The following PCDHGA3 variants were observed in gnomAD, a reference collection of about 807,000 sequenced individuals.
PCDHGA3 encodes protocadherin gamma subfamily A, 3, also known as protocadherin gamma-A3.
Under a neutral mutation model 58.5 loss-of-function variants are expected in PCDHGA3, and 40 were observed. That is an observed-to-expected ratio of 0.68 (90% CI 0.53 to 0.89). The LOEUF is 0.89. Among genes scored for constraint, PCDHGA3 ranks in the 40% least tolerant of loss-of-function variants. PCDHGA3 has a pLI of 0.00. For missense variants in PCDHGA3, 1,223 were observed against 1,195.9 expected (o/e 1.02, Z -0.33); for synonymous variants, 530 against 525.7 (o/e 1.01, Z -0.11).
At chr5:141,413,697 T>G in intron 1 of PCDHGA3, 4 of 1,613,632 alleles carry the variant, frequency 2.5e-6, no homozygotes, top group Non-Finnish European at 3.4e-6. Flanking sequence ...TGCAGAGCTA[T>G]CAGCTCAGCC....
intron 1 of PCDHGA3, among the ~76,000 whole-genome samples, chr5:141,488,802 A>G (rs910422824): frequency 2.0e-5 from 3 of 152,294 alleles, no homozygotes; most frequent in Middle Eastern, 3.4e-3. Flanking sequence ...CCTGTTGAGT[A>G]CCATCTGAGC....
intron 1 of PCDHGA3, chr5:141,357,048 A>C: frequency 6.2e-7 from 1 of 1,614,008 alleles, no homozygotes; most frequent in Non-Finnish European, 8.5e-7. Context: ...AGCCGGGACT[A>C]TTTGCAGTGG....
chr5:141,429,204 A>ACACACACG, intron 1 of PCDHGA3: 1 of 150,162 alleles, frequency 6.7e-6, no homozygotes, highest in Non-Finnish European at 1.5e-5. Context: ...ACACACACAC[A>ACACACACG]CGTGTGAAAA....
At chr5:141,417,637 A>ATCCCTCAGCCTCTAGCCTGGGAT (rs2096141530) in intron 1 of PCDHGA3, 1 of 724,654 alleles carries the variant, frequency 1.4e-6, no homozygotes, top group Admixed American at 3.5e-5. Flanking sequence ...GACGCCGGGG[A>ATCCCTCAGCCTCTAGCCTGGGAT]TCCCTCAGCC....
chr5:141,388,170 T>A (rs756859307), intron 1 of PCDHGA3: 1 of 1,495,754 alleles, frequency 6.7e-7, no homozygotes, highest in East Asian at 2.3e-5. Context: ...GGAGGAGATA[T>A]GCGGGAAGAA....
intron 1 of PCDHGA3, among the ~76,000 whole-genome samples, chr5:141,492,165 C>T (rs932762928): frequency 1.4e-4 from 22 of 152,210 alleles, no homozygotes; most frequent in African/African-American, 4.8e-4. Context: ...TCCCTATCCC[C>T]GCATCACCCA....
At chr5:141,447,284 C>A (rs979564320) in intron 1 of PCDHGA3, among the ~76,000 whole-genome samples, 1 of 152,124 alleles carries the variant, frequency 6.6e-6, no homozygotes, top group African/African-American at 2.4e-5. Context: ...GGACTACAGG[C>A]ACATGCCACC....
chr5:141,376,908 C>T, intron 1 of PCDHGA3: 1 of 187,054 alleles, frequency 5.3e-6, no homozygotes, highest in Non-Finnish European at 1.1e-5. Flanking sequence ...AGGATGGTCT[C>T]GATCTCCTGA....
In PCDHGA3 at chr5:141,489,652, C is replaced by A. The variant is rs767143028; in HGVS notation, c.2425-5155C>A. On this transcript the variant is annotated intron_variant, in intron 1 of 3. Transcript: ENST00000253812. The surrounding 1 kb of genome is among the most constrained non-coding windows in gnomAD (Gnocchi z 4.5). ...CTCTCCTAGCTTTGCCACCCCTGAG[C>A]GAGAGATGCGCATCTCAGAATCAGC... 34 of 1,614,024 alleles carry A rather than the reference C, an allele frequency of 2.1e-5. No homozygotes were observed. The Middle Eastern group carries it at 6.6e-4, about 31-fold the overall frequency.
intron 1 of PCDHGA3, chr5:141,364,690 A>G (rs754705935): frequency 2.5e-6 from 4 of 1,613,978 alleles, no homozygotes; most frequent in Non-Finnish European, 3.4e-6. Flanking sequence ...ATGGAGTAGA[A>G]GTAGAAATAA....
At chr5:141,418,800 GAT>G (rs777421725) in intron 1 of PCDHGA3, 1 of 1,613,800 alleles carries the variant, frequency 6.2e-7, no homozygotes, top group Non-Finnish European at 8.5e-7. Flanking sequence ...GAAGTAGAAA[GAT>G]ATACGATAAA....
chr5:141,489,089 A>C lies in PCDHGA3; in HGVS notation c.2425-5718A>C. 6 of 284,452 alleles carry C rather than the reference A, an allele frequency of 2.1e-5. No individual in the cohort carries two copies. The highest frequency in any genetic ancestry group is 5.7e-5 in the East Asian group (1 of 17,568). The allele number at this position is 284,452 out of a possible 1,614,324, so 17.6% of individuals were successfully genotyped here. A position where few individuals can be genotyped will look rare whatever the true frequency, so the allele number is the denominator to read the frequency against. Reference sequence around the variant, plus strand: ...CCCTGCCCACCCCCGCCACTCGGTGACTAAGAACTGCTGCAAGCAGGCAAA... The same window carrying C: ...CCCTGCCCACCCCCGCCACTCGGTGCCTAAGAACTGCTGCAAGCAGGCAAA... On this transcript the variant is annotated intron_variant, in intron 1 of 3. Transcript: ENST00000253812. This position sits in a 1 kb window ranked among gnomAD's most constrained non-coding sequence, Gnocchi z 4.5.
intron 1 of PCDHGA3, chr5:141,384,141 ACT>A (rs765902130): frequency 2.4e-5 from 38 of 1,612,656 alleles, no homozygotes; most frequent in Admixed American, 1.8e-4. Context: ...ACCGGGAAAC[ACT>A]CTCTTTGTAT....
rs749121255 is a variant in PCDHGA3 at position 141,415,427 on chromosome 5, G to A, written c.2424+68970G>A. 3.1e-6 allele frequency: 5 copies of A among 1,614,050 alleles called. No homozygotes were observed. Among genetic ancestry groups the A allele is most frequent in the African/African-American group, 1.3e-5 (1 of 74,926 alleles). ...CACTTTGTGGGCGTGGACGGGGTTC[G>A]GGCTTTCCTGCAGACCTATTCCCAC... is the stretch of plus-strand genomic sequence containing the variant. On this transcript the variant is annotated intron_variant, in intron 1 of 3. Transcript: ENST00000253812.
At chr5:141,430,642 A>C in intron 1 of PCDHGA3, 2 of 918,498 alleles carry the variant, frequency 2.2e-6, no homozygotes, top group South Asian at 5.1e-5. Flanking sequence ...CCCTGGGAGT[A>C]TGTGGAAACA....
chr5:141,498,251 C>A (rs1277949209), intron 2 of PCDHGA3, among the ~76,000 whole-genome samples: 1 of 152,178 alleles, frequency 6.6e-6, no homozygotes, highest in African/African-American at 2.4e-5. Flanking sequence ...CAAAGCAGGG[C>A]TGGTGTTGAG....
At chr5:141,442,445 T>A (rs2098325574) in intron 1 of PCDHGA3, 1 of 152,198 alleles carries the variant, frequency 6.6e-6, no homozygotes, top group South Asian at 2.1e-4. Flanking sequence ...CCCTCAGGAC[T>A]CAATAGCAGT....
intron 2 of PCDHGA3, among the ~76,000 whole-genome samples, chr5:141,499,022 A>C (rs1244590420): frequency 2.7e-5 from 4 of 150,722 alleles, no homozygotes; most frequent in Admixed American, 2.0e-4. Context: ...GGAAGGAAGG[A>C]AGGAAGAAAA....
chr5:141,359,539 T>C (rs1181475445), intron 1 of PCDHGA3, among the ~76,000 whole-genome samples: 1 of 150,972 alleles, frequency 6.6e-6, no homozygotes, highest in Non-Finnish European at 1.5e-5. Flanking sequence ...CTATAAGAAA[T>C]AAATAGGAAA....
Sources: gnomAD v4.1 joint callset for allele counts (sites outside exome capture counted in the v4.1 genomes callset) on GRCh38, gnomAD v4.1.1 for gene constraint, Gnocchi (gnomAD v3.1) non-coding constraint, MANE v1.5 for transcripts, NCBI Gene and HGNC (gene_info 2026-07-23, HGNC 2026-07-21) for gene names.